Variants in DYNC1I1 observed in about 807,000 individuals in gnomAD.
DYNC1I1 encodes the protein cytoplasmic dynein 1 intermediate chain 1.
DYNC1I1 carries 43 observed loss-of-function variants against 86.6 expected under a neutral mutation model. The ratio of observed to expected loss-of-function variants is 0.50; its 90% CI spans 0.39 to 0.64. The LOEUF is 0.64. Among genes scored for constraint, DYNC1I1 ranks in the 30% least tolerant of loss-of-function variants. The pLI is 0.00. For missense variants in DYNC1I1, 604 were observed against 788.8 expected, an observed-to-expected ratio of 0.77 and a Z score of 2.81; for synonymous variants, 262 against 283.7, an observed-to-expected ratio of 0.92 and a Z score of 0.77.
chr7:95,991,004 G>A (rs1049364446), intron 9 of DYNC1I1, among the ~76,000 whole-genome samples: 2 of 151,110 alleles, frequency 1.3e-5, no homozygotes. Context: ...ATTCAAGGCT[G>A]GGAGACAGAT....
At chr7:96,046,457 G>C (rs1789217836) in intron 14 of DYNC1I1, among the ~76,000 whole-genome samples, 1 of 152,180 alleles carries the variant, frequency 6.6e-6, no homozygotes, top group African/African-American at 2.4e-5. Flanking sequence ...ATAAACCTGT[G>C]AGTAGATGTT....
chr7:95,924,989 A>G lies in DYNC1I1; in HGVS notation c.491-52523A>G, dbSNP rs143745809. 6.3e-3 allele frequency among the ~76,000 whole-genome samples: 956 copies of G among 152,302 alleles called. 2 individuals carry two copies. Among genetic ancestry groups the G allele is most frequent in the Non-Finnish European group, 0.01 (714 of 68,016 alleles). Reference sequence around the variant, plus strand: ...TCTCAAGGAGAATGCAATACAACATAGACTTTGGCAACTGAAAACCTCAAA... The same window carrying G: ...TCTCAAGGAGAATGCAATACAACATGGACTTTGGCAACTGAAAACCTCAAA... On this transcript the variant is annotated intron_variant, in intron 6 of 16. Transcript: ENST00000447467.
intron 16 of DYNC1I1, among the ~76,000 whole-genome samples, chr7:96,093,904 G>A (rs1790921547): frequency 6.6e-6 from 1 of 152,078 alleles, no homozygotes; most frequent in Non-Finnish European, 1.5e-5. Context: ...AAAATCCATA[G>A]TGATACTCTA....
chr7:95,955,768 AT>A, intron 6 of DYNC1I1, among the ~76,000 whole-genome samples: 1 of 152,262 alleles, frequency 6.6e-6, no homozygotes, highest in East Asian at 1.9e-4. Context: ...TATTAAATGT[AT>A]AATTACTTGA....
chr7:95,796,556 C>G (rs1206412141), intron 1 of DYNC1I1, among the ~76,000 whole-genome samples: 1 of 152,040 alleles, frequency 6.6e-6, no homozygotes, highest in African/African-American at 2.4e-5. Context: ...TCAGATCTCC[C>G]AGGTATTTTT....
intron 6 of DYNC1I1, among the ~76,000 whole-genome samples, chr7:95,968,812 G>A (rs1261415084): frequency 6.9e-6 from 1 of 144,280 alleles, no homozygotes; most frequent in Admixed American, 7.0e-5. Flanking sequence ...CAATTGTTCT[G>A]AATTTTTTGC....
chr7:95,796,315 C>T (rs1457063787), intron 1 of DYNC1I1, among the ~76,000 whole-genome samples: 1 of 151,664 alleles, frequency 6.6e-6, no homozygotes, highest in African/African-American at 2.4e-5. Context: ...TCTTTCTTTC[C>T]TTCTTTCTTT....
At chr7:95,813,991 A>G (rs936172923) in intron 4 of DYNC1I1, among the ~76,000 whole-genome samples, 3 of 152,190 alleles carry the variant, frequency 2.0e-5, no homozygotes, top group Non-Finnish European at 4.4e-5. Flanking sequence ...GTAAAGATGT[A>G]AAAAGAAGAA....
At chr7:95,877,606 A>G (rs1028027212) in intron 6 of DYNC1I1, among the ~76,000 whole-genome samples, 2 of 152,366 alleles carry the variant, frequency 1.3e-5, no homozygotes, top group Non-Finnish European at 2.9e-5. Context: ...CCTCAAAACA[A>G]TCAAGATAGT....
At chr7:96,040,250 A>G (rs2116042603) in intron 14 of DYNC1I1, among the ~76,000 whole-genome samples, 1 of 152,108 alleles carries the variant, frequency 6.6e-6, no homozygotes. Flanking sequence ...AAAATAAAAT[A>G]AAATAAAATA....
chr7:95,782,403 A>T (rs910838578), intron 1 of DYNC1I1, among the ~76,000 whole-genome samples: 1 of 152,178 alleles, frequency 6.6e-6, no homozygotes, highest in Non-Finnish European at 1.5e-5. Context: ...TCAGCCACCA[A>T]CTCTACAAGT....
chr7:95,836,265 G>A (rs1156885739), intron 5 of DYNC1I1, among the ~76,000 whole-genome samples: 2 of 152,062 alleles, frequency 1.3e-5, no homozygotes, highest in Non-Finnish European at 2.9e-5. Context: ...ATTCTGGGTT[G>A]AAAATTCTTT....
intron 6 of DYNC1I1, among the ~76,000 whole-genome samples, chr7:95,974,428 A>G (rs190085519): frequency 1.3e-5 from 2 of 152,256 alleles, no homozygotes; most frequent in Non-Finnish European, 2.9e-5. Flanking sequence ...GCAATTTTGT[A>G]TTGGTTATTT....
At chr7:95,969,461 G>T (rs577636556) in intron 6 of DYNC1I1, among the ~76,000 whole-genome samples, 1 of 152,090 alleles carries the variant, frequency 6.6e-6, no homozygotes, top group Non-Finnish European at 1.5e-5. Flanking sequence ...TGGAAACACC[G>T]ATCAGTCAAG....
intron 16 of DYNC1I1, among the ~76,000 whole-genome samples, chr7:96,107,723 G>T (rs1295556741): frequency 6.6e-6 from 1 of 151,660 alleles, no homozygotes; most frequent in Non-Finnish European, 1.5e-5. Flanking sequence ...GTAGAGACAG[G>T]GTTTCACCAT....
chr7:96,014,790 A>G (rs1278341782), intron 10 of DYNC1I1, among the ~76,000 whole-genome samples: 4 of 152,182 alleles, frequency 2.6e-5, no homozygotes, highest in Non-Finnish European at 5.9e-5. Context: ...ATTATAATTT[A>G]TCACACTGAT....
intron 4 of DYNC1I1, among the ~76,000 whole-genome samples, chr7:95,814,407 C>T (rs1328542144): frequency 6.6e-6 from 1 of 152,188 alleles, no homozygotes; most frequent in Non-Finnish European, 1.5e-5. Context: ...CAACCATCTA[C>T]AGCACTGCTG....
At chr7:96,089,518 A>G (rs1790778083) in intron 16 of DYNC1I1, among the ~76,000 whole-genome samples, 1 of 152,146 alleles carries the variant, frequency 6.6e-6, no homozygotes, top group Admixed American at 6.6e-5. Flanking sequence ...ACAGAAAAGG[A>G]TATTTAGAAA....
intron 12 of DYNC1I1, among the ~76,000 whole-genome samples, chr7:96,033,226 T>C (rs1794853727): frequency 1.3e-5 from 2 of 152,178 alleles, no homozygotes. Flanking sequence ...ACAGCCTGTG[T>C]GTATGAAGAA....
Sources: gnomAD v4.1 joint callset for allele counts (sites outside exome capture counted in the v4.1 genomes callset) on GRCh38, gnomAD v4.1.1 for gene constraint, MANE v1.5 for transcripts, NCBI Gene and HGNC (gene_info 2026-07-23, HGNC 2026-07-21) for gene names.